The following ANKRD13A variants were observed in gnomAD, a reference collection of about 807,000 sequenced individuals.
ANKRD13A encodes the protein ankyrin repeat domain 13A, also known as ankyrin repeat domain-containing protein 13A.
ANKRD13A carries 48 observed loss-of-function variants against 81.3 expected under a neutral mutation model. That is an observed-to-expected ratio of 0.59 (90% CI 0.47 to 0.75). The LOEUF (loss-of-function observed/expected upper bound fraction) is 0.75. Ranked by LOEUF, ANKRD13A falls within the 30% of genes least tolerant of loss-of-function variation. ANKRD13A has a pLI of 0.00. For synonymous variants in ANKRD13A, 230 were observed against 270.1 expected, an observed-to-expected ratio of 0.85 and a Z score of 1.45; for missense variants, 612 against 734.0, an observed-to-expected ratio of 0.83 and a Z score of 1.92.
rs1246760784 is a variant in ANKRD13A, at chr12:110,019,195, C to T, written c.601C>T (p.Arg201Cys). 8 of 1,613,660 alleles carry T rather than the reference C, an allele frequency of 5.0e-6. No individual in the cohort carries two copies. Among genetic ancestry groups the T allele is most frequent in the Admixed American group, 1.7e-5 (1 of 59,956 alleles). Residue 201 changes from arginine to cysteine, a missense_variant, in exon 6 of 15, where the codon CGC (arginine) becomes TGC (cysteine). Transcript: ENST00000261739. ...NHDDKVVTTE[R>C]FDLSQEMERL... ...TGATGACAAAGTGGTCACCACCGAA[C>T]GCTTCGACCTTTCCCAAGAAATGGA...
At chr12:110,019,367 A>G (rs757977960) in intron 6 of ANKRD13A, 39 bp downstream of exon 6, 4 of 1,535,798 alleles carry the variant, frequency 2.6e-6, no homozygotes, top group Non-Finnish European at 2.6e-6. Flanking sequence ...TCTAATCCCC[A>G]TGCTGCCATC....
intron 1 of ANKRD13A, among the ~76,000 whole-genome samples, chr12:110,009,242 C>T (rs1209608186): frequency 6.6e-6 from 1 of 152,034 alleles, no homozygotes; most frequent in Non-Finnish European, 1.5e-5. Context: ...CCACCACGCG[C>T]GGCTAATTTT....
At chr12:110,013,338 C>G in intron 3 of ANKRD13A, 89 bp downstream of exon 3, 1 of 1,508,104 alleles carries the variant, frequency 6.6e-7, no homozygotes, top group Non-Finnish European at 9.1e-7. Flanking sequence ...GTGTGCCTTC[C>G]TAAAGAGTTT....
chr12:110,014,085 T>A (rs117626110), intron 3 of ANKRD13A, among the ~76,000 whole-genome samples: 3,059 of 152,220 alleles, frequency 0.02, 61 homozygotes, highest in Middle Eastern at 0.031. Flanking sequence ...GAAAAATTAA[T>A]AGCTCTATCG....
intron 7 of ANKRD13A, 128 bp from the exon 8 acceptor site, chr12:110,025,614 A>G (rs1200309100): frequency 5.7e-6 from 4 of 696,240 alleles, no homozygotes; most frequent in Non-Finnish European, 1.0e-5. Context: ...AATGATAGTT[A>G]ACCATTTCTC....
intron 13 of ANKRD13A, among the ~76,000 whole-genome samples, chr12:110,034,904 C>T (rs74654926): frequency 0.07 from 10,690 of 152,318 alleles, 622 homozygotes; most frequent in African/African-American, 0.15. Context: ...GGAAGCAGCC[C>T]CTGCCCTCAC....
rs756605446 is a variant in ANKRD13A, at chr12:110,019,332, C to T, written c.734+4C>T. On this transcript the variant is annotated splice_donor_region_variant and intron_variant, in intron 6 of 14. Coordinates refer to ENST00000261739, the MANE Select transcript of ANKRD13A (RefSeq NM_033121.2). ...CTAAAAATATTGCTTTTGAAAGGTA[C>T]AAATTTAGACTCTAAATTTTAATGT... 1 of 1,588,638 alleles carries T rather than the reference C, an allele frequency of 6.3e-7. No homozygotes were observed. The highest frequency in any genetic ancestry group is 1.8e-5 in the Admixed American group (1 of 56,238).
chr12:110,016,792 A>T (rs1413578574), intron 4 of ANKRD13A, among the ~76,000 whole-genome samples: 1 of 151,078 alleles, frequency 6.6e-6, no homozygotes, highest in African/African-American at 2.4e-5. Flanking sequence ...TATTTTTTTG[A>T]GACAGAGTCT....
At chr12:110,003,033 C>T (rs1890061481) in intron 1 of ANKRD13A, among the ~76,000 whole-genome samples, 1 of 152,150 alleles carries the variant, frequency 6.6e-6, no homozygotes, top group African/African-American at 2.4e-5. Flanking sequence ...AAGTTGGTTG[C>T]TGAAGTTGAA....
chr12:110,002,231 A>G (rs1890018442), intron 1 of ANKRD13A, among the ~76,000 whole-genome samples: 1 of 152,266 alleles, frequency 6.6e-6, no homozygotes, highest in Non-Finnish European at 1.5e-5. Context: ...CTGCTATTAT[A>G]ATCATCATTT....
At chr12:110,014,729 G>A (rs1377147828) in intron 3 of ANKRD13A, among the ~76,000 whole-genome samples, 1 of 151,936 alleles carries the variant, frequency 6.6e-6, no homozygotes, top group African/African-American at 2.4e-5. Context: ...AAAAATCATG[G>A]CAAAGCCTTG....
chr12:110,008,371 C>A (rs954311773), intron 1 of ANKRD13A, among the ~76,000 whole-genome samples: 1 of 151,940 alleles, frequency 6.6e-6, no homozygotes, highest in African/African-American at 2.4e-5. Context: ...TGTATAATAC[C>A]CTTTTTATAT....
chr12:110,012,209 A>G (rs1223649522), intron 2 of ANKRD13A, 72 bp downstream of exon 2: 1 of 1,496,062 alleles, frequency 6.7e-7, no homozygotes, highest in Non-Finnish European at 9.0e-7. Flanking sequence ...ACAAAAAAAT[A>G]TGAAAATTAG....
rs903205900 is a variant in ANKRD13A, at chr12:110,024,768, A to C, written c.801+656A>C. Among the ~76,000 whole-genome samples, 4 of 152,222 alleles carry C rather than the reference A, an allele frequency of 2.6e-5. No individual in the cohort carries two copies. The South Asian group carries it at 6.2e-4, about 24-fold the overall frequency. On this transcript the variant is annotated intron_variant, in intron 7 of 14. Transcript: ENST00000261739. ...AGATACATTTAGAAGCACTTGTCAT[A>C]GTGCTGAGTGTGTTTTCTGCAGCTT...
intron 10 of ANKRD13A, 145 bp downstream of exon 10, chr12:110,028,787 G>A: frequency 8.7e-7 from 1 of 1,154,480 alleles, no homozygotes; most frequent in Non-Finnish European, 1.2e-6. Flanking sequence ...GCCTAGGCTG[G>A]AGTGCAGTGG....
Position 110,036,447 on chromosome 12 carries a change from C to A in ANKRD13A, c.1577+119C>A. On this transcript the variant is annotated intron_variant, in intron 14 of 14. Coordinates refer to ENST00000261739, the MANE Select transcript of ANKRD13A (RefSeq NM_033121.2). This position sits in a 1 kb window ranked among gnomAD's most constrained non-coding sequence, Gnocchi z 4.6. ...GCAGATGTACGGTGCCACAAACTGG[C>A]AGGAAAGACTAGAAAAAGTAGGCCA... 2 of 1,094,152 alleles carry A rather than the reference C, an allele frequency of 1.8e-6. No homozygotes were observed. Among genetic ancestry groups the A allele is most frequent in the Non-Finnish European group, 2.8e-6 (2 of 715,996 alleles). The allele number at this position is 1,094,152 out of a possible 1,614,324, so 67.8% of individuals were successfully genotyped here. A position where few individuals can be genotyped will look rare whatever the true frequency, so the allele number is the denominator to read the frequency against.
intron 6 of ANKRD13A, chr12:110,021,106 A>G (rs138015304): frequency 4.4e-6 from 2 of 456,618 alleles, no homozygotes; most frequent in African/African-American, 2.0e-5. Flanking sequence ...TTGTGCCCAC[A>G]GGGTTTTCAG....
At chr12:110,002,345 G>A (rs1164578108) in intron 1 of ANKRD13A, among the ~76,000 whole-genome samples, 2 of 152,052 alleles carry the variant, frequency 1.3e-5, no homozygotes, top group Admixed American at 6.6e-5. Flanking sequence ...GTCCGGGCAC[G>A]GTGGCTCATG....
chr12:110,004,113 G>C (rs959324373), intron 1 of ANKRD13A, among the ~76,000 whole-genome samples: 1 of 148,812 alleles, frequency 6.7e-6, no homozygotes, highest in African/African-American at 2.5e-5. Flanking sequence ...AGCCAAAATC[G>C]CACCATTGCA....
Sources: gnomAD v4.1 joint callset for allele counts (sites outside exome capture counted in the v4.1 genomes callset) on GRCh38, gnomAD v4.1.1 for gene constraint, Gnocchi (gnomAD v3.1) non-coding constraint, MANE v1.5 for transcripts, NCBI Gene and HGNC (gene_info 2026-07-23, HGNC 2026-07-21) for gene names.